The following AFM variants were observed in gnomAD, a reference collection of about 807,000 sequenced individuals.
AFM encodes afamin.
AFM carries 82 observed loss-of-function variants against 68.7 expected under a neutral mutation model. The observed-to-expected ratio is 1.19, with a 90% CI of 1.00 to 1.43. AFM has a LOEUF of 1.43. Ranked by LOEUF, AFM falls within the 40% of genes most tolerant of loss-of-function variation. The probability of loss-of-function intolerance (pLI) is 0.00; values close to 1 mark genes in which losing one functional copy is unlikely to be tolerated. For synonymous variants in AFM, 250 were observed against 234.2 expected (o/e 1.07, Z -0.61); for missense variants, 772 against 701.8 (o/e 1.10, Z -1.13).
intron 9 of AFM, 91 bp from the exon 10 acceptor site, chr4:73,497,561 G>A: frequency 5.4e-6 from 4 of 737,914 alleles, no homozygotes; most frequent in Non-Finnish European, 8.0e-6. Flanking sequence ...AAATACCATA[G>A]AAATAAGAAA....
chr4:73,503,144 T>C, intron 14 of AFM, 34 bp downstream of exon 14: 1 of 1,493,844 alleles, frequency 6.7e-7, no homozygotes, highest in South Asian at 1.1e-5. Context: ...ATGTCAAATG[T>C]ATTTGTGGCT....
intron 7 of AFM, among the ~76,000 whole-genome samples, chr4:73,489,053 T>C (rs1279865496): frequency 6.6e-6 from 1 of 152,140 alleles, no homozygotes; most frequent in Non-Finnish European, 1.5e-5. Context: ...CAGATTGAAG[T>C]TTTCTCTTAC....
In AFM at chr4:73,491,406, C is replaced by G. The variant is rs547989183; in HGVS notation, c.844-466C>G. Among the ~76,000 whole-genome samples, 16 of 152,222 alleles carry G rather than the reference C, an allele frequency of 1.1e-4. No individual in the cohort carries two copies. The South Asian group carries it at 3.3e-3, about 32-fold the overall frequency. Reference sequence around the variant, plus strand: ...TCTGGTAGTTGCTGTAGTTCACTCACTTGTCATTCTTTCATTCATTTATCA... The same window carrying G: ...TCTGGTAGTTGCTGTAGTTCACTCAGTTGTCATTCTTTCATTCATTTATCA... On this transcript the variant is annotated intron_variant, in intron 7 of 14. Coordinates refer to ENST00000226355, the MANE Select transcript of AFM (RefSeq NM_001133.2).
intron 3 of AFM, among the ~76,000 whole-genome samples, chr4:73,485,576 A>AGAGAAG (rs1342493827): frequency 1.5e-5 from 2 of 132,294 alleles, no homozygotes; most frequent in Non-Finnish European, 3.3e-5. Context: ...AGAAGGAGAA[A>AGAGAAG]GAGAAGGAGA....
intron 7 of AFM, among the ~76,000 whole-genome samples, chr4:73,491,287 A>G (rs1483248647): frequency 2.0e-5 from 3 of 152,216 alleles, no homozygotes; most frequent in African/African-American, 7.2e-5. Flanking sequence ...TGCTAACCTG[A>G]ACAGCTTCAA....
Position 73,499,184 on chromosome 4 carries a change from A to G in AFM, c.1360A>G (p.Met454Val), listed in dbSNP as rs1380562205. 2 of 1,613,334 alleles carry G rather than the reference A, an allele frequency of 1.2e-6. No homozygotes were observed. The highest frequency in any genetic ancestry group is 1.3e-5 in the African/African-American group (1 of 74,974). ...AGAACTGGTGTCTCTTGGCGAGAAA[A>G]TGGTGACAGCTTTCACTACTTGCTG... ...TEELVSLGEK[M>V]VTAFTTCCTL... Residue 454 changes from methionine (M) to valine (V), a missense_variant, in exon 11 of 15, where the codon ATG (methionine) becomes GTG (valine). Physicochemically the swap from Met to Val is conservative, Grantham distance 21 (BLOSUM62 1). Transcript: ENST00000226355.
chr4:73,486,476 A>G (rs1015374900), intron 4 of AFM, among the ~76,000 whole-genome samples: 2 of 152,218 alleles, frequency 1.3e-5, no homozygotes. Context: ...CATTGCAGAA[A>G]CAGACTTTTT....
chr4:73,484,399 A>C lies in AFM; in HGVS notation c.270+9A>C. Reference sequence around the variant, plus strand: ...AGTGTTCAAAATTACCTGTAAGTAAATTGCTTGTGTTTCTTTTCCTTTTAT... The same window carrying C: ...AGTGTTCAAAATTACCTGTAAGTAACTTGCTTGTGTTTCTTTTCCTTTTAT... On this transcript the variant is annotated intron_variant, in intron 3 of 14. Coordinates refer to ENST00000226355, the MANE Select transcript of AFM (RefSeq NM_001133.2). 1 of 1,521,960 alleles carries C rather than the reference A, an allele frequency of 6.6e-7. No individual in the cohort carries two copies. The highest frequency in any genetic ancestry group is 2.5e-5 in the East Asian group (1 of 40,052). 94.3% of individuals were successfully genotyped at this position (1,521,960 alleles called of 1,614,324 possible). A position where few individuals can be genotyped will look rare whatever the true frequency, so the allele number is the denominator to read the frequency against.
In AFM at chr4:73,495,431, C is replaced by G. The variant is rs765807836; in HGVS notation, c.1190C>G (p.Ala397Gly). The G allele has an allele frequency of 6.2e-7, 1 of 1,607,852 alleles. No homozygotes were observed. The highest frequency in any genetic ancestry group is 1.7e-5 in the Admixed American group (1 of 57,856). Residue 397 changes from alanine to glycine, a missense_variant and splice_region_variant, in exon 9 of 15, where the codon GCG becomes GGG. Ala to Gly is a moderately conservative substitution (Grantham distance 60). Coordinates refer to ENST00000226355, the MANE Select transcript of AFM (RefSeq NM_001133.2). ...AACCCTCCAGGTTGTTACCGTTACGCGGTAGGTTCCATTGTTGTAGGTTCA... is the reference window on the plus strand; with the variant it reads ...AACCCTCCAGGTTGTTACCGTTACGGGGTAGGTTCCATTGTTGTAGGTTCA... ...TENPPGCYRYAEDKFNETTEK... is the reference protein window; with the variant it reads ...TENPPGCYRYGEDKFNETTEK...
chr4:73,502,011 A>C (rs150979454), intron 13 of AFM, 92 bp downstream of exon 13: 7 of 1,379,584 alleles, frequency 5.1e-6, no homozygotes, highest in Non-Finnish European at 4.9e-6. Context: ...TCCTCTCTGC[A>C]GTGTCTACCA....
Position 73,499,163 on chromosome 4 carries a change from C to A in AFM, c.1339C>A (p.Leu447Met), listed in dbSNP as rs1356067732. Residue 447 changes from leucine to methionine, a missense_variant, in exon 11 of 15, where the codon CTG becomes ATG. Transcript: ENST00000226355. Reference sequence around the variant, plus strand: ...AGCTCCCCAACTCTCCACTGAAGAACTGGTGTCTCTTGGCGAGAAAATGGT... The same window carrying A: ...AGCTCCCCAACTCTCCACTGAAGAAATGGTGTCTCTTGGCGAGAAAATGGT... ...KIAPQLSTEE[L>M]VSLGEKMVTA... 4 of 1,613,336 alleles carry A rather than the reference C, an allele frequency of 2.5e-6. No individual in the cohort carries two copies. The African/African-American group carries it at 5.3e-5, about 22-fold the overall frequency.
intron 1 of AFM, 85 bp from the exon 2 acceptor site, chr4:73,483,856 A>G: frequency 8.7e-7 from 1 of 1,151,542 alleles, no homozygotes; most frequent in Non-Finnish European, 1.2e-6. Flanking sequence ...TGTATTTTAT[A>G]CACTTAAATG....
Position 73,485,736 on chromosome 4 carries a change from G to A in AFM, c.271-126G>A, listed in dbSNP as rs1720882492. ...AGGGGAAGGGGAAGGGGAAGGAGAGGAGTAGGAGAAAGAGAAGGAGCTCTG... is the reference window on the plus strand; with the variant it reads ...AGGGGAAGGGGAAGGGGAAGGAGAGAAGTAGGAGAAAGAGAAGGAGCTCTG... On this transcript the variant is annotated intron_variant, in intron 3 of 14. Transcript: ENST00000226355. 3 of 697,670 alleles carry A rather than the reference G, an allele frequency of 4.3e-6. No homozygotes were observed. The African/African-American group carries it at 5.4e-5, about 13-fold the overall frequency. 43.2% of individuals were successfully genotyped at this position (697,670 alleles called of 1,614,324 possible).
rs1326972261 is a variant in AFM, at chr4:73,501,843, C to A, written c.1703C>A (p.Ser568Tyr). 6.2e-7 allele frequency: 1 copy of A among 1,613,456 alleles called. No individual in the cohort carries two copies. The highest frequency in any genetic ancestry group is 1.1e-5 in the South Asian group (1 of 91,046). The change falls in exon 13 of 15, where the codon TCT (serine) becomes TAT (tyrosine). Residue 568 changes from serine (S) to tyrosine (Y), a missense_variant. Ser to Tyr is a moderately radical substitution (Grantham distance 144, BLOSUM62 -2). Coordinates refer to ENST00000226355, the MANE Select transcript of AFM (RefSeq NM_001133.2). ...KHELTDEELQ[S>Y]LFTNFANVVD... ...GAACTCACAGATGAAGAGCTGCAGT[C>A]TTTGTTTACAAATTTCGCAAATGTA...
intron 12 of AFM, among the ~76,000 whole-genome samples, chr4:73,500,566 A>G (rs1483512827): frequency 2.0e-5 from 3 of 152,196 alleles, no homozygotes; most frequent in African/African-American, 4.8e-5. Flanking sequence ...TAGTGTTTAC[A>G]AAGGAGAGGC....
intron 5 of AFM, among the ~76,000 whole-genome samples, chr4:73,487,427 A>G (rs1720930785): frequency 6.6e-6 from 1 of 152,164 alleles, no homozygotes; most frequent in Non-Finnish European, 1.5e-5. Context: ...TTTGACTACA[A>G]ACAACATGGT....
In AFM at chr4:73,501,895, T is replaced by A; in HGVS notation, c.1755T>A (p.Ser585Arg). ...NVVDKCCKAE[S>R]PEVCFNEESP... Reference sequence around the variant, plus strand: ...TGGATAAGTGCTGCAAAGCAGAGAGTCCTGAAGTCTGCTTTAATGAAGAGG... The same window carrying A: ...TGGATAAGTGCTGCAAAGCAGAGAGACCTGAAGTCTGCTTTAATGAAGAGG... The change falls in exon 13 of 15, where the codon AGT becomes AGA. Residue 585 changes from serine (S) to arginine (R), a missense_variant. Transcript: ENST00000226355. The A allele has an allele frequency of 6.2e-7, 1 of 1,613,088 alleles. No homozygotes were observed. Among genetic ancestry groups the A allele is most frequent in the Non-Finnish European group, 8.5e-7 (1 of 1,179,478 alleles).
chr4:73,487,050 C>A lies in AFM; in HGVS notation c.566C>A (p.Ala189Asp). The change falls in exon 5 of 15, where the codon GCC becomes GAC. Residue 189 changes from alanine (A) to aspartate (D), a missense_variant. By Grantham distance (126) the Ala-to-Asp change is moderately radical. Coordinates refer to ENST00000226355, the MANE Select transcript of AFM (RefSeq NM_001133.2). ...GTTGCTGTTCATTTTGAGGAGGTGG[C>A]CAAATCATGTTGTGAAGAACAAAAC... Reference protein sequence around the residue: ...LTVAVHFEEVAKSCCEEQNKV... With the variant: ...LTVAVHFEEVDKSCCEEQNKV... 7 of 1,613,966 alleles carry A rather than the reference C, an allele frequency of 4.3e-6. No homozygotes were observed. The highest frequency in any genetic ancestry group is 5.1e-6 in the Non-Finnish European group (6 of 1,179,942).
At chr4:73,487,132 A>T in intron 5 of AFM, 33 bp downstream of exon 5, 2 of 1,611,902 alleles carry the variant, frequency 1.2e-6, no homozygotes, top group Non-Finnish European at 1.7e-6. Context: ...GAAGAGGATA[A>T]GAAATCACTC....
Sources: allele counts gnomAD v4.1 joint callset (sites outside exome capture counted in the v4.1 genomes callset), GRCh38; gene constraint gnomAD v4.1.1; transcripts MANE v1.5; gene names NCBI Gene and HGNC (gene_info 2026-07-23, HGNC 2026-07-21).